LPP: variants seen among roughly 807,000 people sequenced by gnomAD.
The protein encoded by LPP is LIM domain containing preferred translocation partner in lipoma, also known as lipoma-preferred partner.
Under a neutral mutation model 60.4 loss-of-function variants are expected in LPP, and 38 were observed. That is an observed-to-expected ratio of 0.63 (90% CI 0.49 to 0.83). The LOEUF is 0.83. Ranked by LOEUF, LPP falls within the 40% of genes least tolerant of loss-of-function variation. LPP has a pLI of 0.00. For missense variants in LPP, 902 were observed against 783.6 expected (o/e 1.15, Z -1.80); for synonymous variants, 328 against 290.8 (o/e 1.13, Z -1.30).
intron 4 of LPP, among the ~76,000 whole-genome samples, chr3:188,435,619 G>A (rs987202362): frequency 2.0e-5 from 3 of 151,766 alleles, no homozygotes; most frequent in African/African-American, 7.3e-5. Context: ...CTTAATGCAG[G>A]CTTTATTTAG....
chr3:188,455,312 C>T (rs1447394541), intron 4 of LPP, among the ~76,000 whole-genome samples: 1 of 152,166 alleles, frequency 6.6e-6, no homozygotes. Context: ...TGACCAGATT[C>T]ACTGCCTTCT....
intron 3 of LPP, among the ~76,000 whole-genome samples, chr3:188,398,430 A>G (rs767573665): frequency 6.6e-6 from 1 of 152,182 alleles, no homozygotes. Context: ...CAGATAGCCT[A>G]TATAAAGGTT....
chr3:188,647,228 G>C (rs566852744), intron 7 of LPP, among the ~76,000 whole-genome samples: 1 of 152,330 alleles, frequency 6.6e-6, no homozygotes, highest in Non-Finnish European at 1.5e-5. Context: ...CCCTGTGCAG[G>C]ACTCTGCTGA....
chr3:188,780,745 A>T (rs971412731), intron 9 of LPP, among the ~76,000 whole-genome samples: 16 of 152,058 alleles, frequency 1.1e-4, no homozygotes, highest in African/African-American at 3.1e-4. Context: ...TCTCATTCTC[A>T]TTACATTGTT....
intron 6 of LPP, among the ~76,000 whole-genome samples, chr3:188,606,812 G>A (rs1023863488): frequency 2.6e-5 from 4 of 152,040 alleles, no homozygotes; most frequent in African/African-American, 9.7e-5. Context: ...GATGGGCATT[G>A]AATGAAAGAG....
rs1342207321 is a variant in LPP at position 188,495,082 on chromosome 3, A to ATATATATATATATAT, written c.306+10379_306+10380insATATATATATATATT. Among the ~76,000 whole-genome samples the ATATATATATATATAT allele has an allele frequency of 5.6e-4, 54 of 97,230 alleles. 2 individuals carry two copies. The highest frequency in any genetic ancestry group is 1.6e-3 in the African/African-American group (41 of 25,074). 63.8% of individuals were successfully genotyped at this position (97,230 alleles called of 152,430 possible). A position where few individuals can be genotyped will look rare whatever the true frequency, so the allele number is the denominator to read the frequency against. On this transcript the variant is annotated intron_variant, in intron 5 of 11. Transcript: ENST00000617246. ...CAGGATTTTATATATATATATATAT[A>ATATATATATATATAT]TTTTATTTATATTTTATTATATATT...
intron 8 of LPP, among the ~76,000 whole-genome samples, chr3:188,727,434 G>A (rs1718839619): frequency 6.6e-6 from 1 of 152,106 alleles, no homozygotes; most frequent in African/African-American, 2.4e-5. Context: ...TTTTAGTTAA[G>A]ATGATTTCCA....
intron 7 of LPP, among the ~76,000 whole-genome samples, chr3:188,630,468 A>G (rs942356756): frequency 8.5e-5 from 13 of 152,116 alleles, no homozygotes; most frequent in African/African-American, 3.1e-4. Flanking sequence ...AAATTAATAG[A>G]TGTTGGCAAG....
At chr3:188,626,903 A>G (rs1361322431) in intron 7 of LPP, among the ~76,000 whole-genome samples, 1 of 151,426 alleles carries the variant, frequency 6.6e-6, no homozygotes, top group African/African-American at 2.5e-5. Context: ...AATAAAAGCT[A>G]TGAAATACCT....
In LPP at chr3:188,422,699, G is replaced by C. The variant is rs143885478; in HGVS notation, c.193+16386G>C. Among the ~76,000 whole-genome samples the C allele has an allele frequency of 6.0e-4, 91 of 152,236 alleles. 3 individuals are homozygous for C. In the East Asian group the frequency reaches 0.016, roughly 26 times the overall value. Reference sequence around the variant, plus strand: ...CCCATGCAGAGCTACATAGTGTAACGATCTCTGGAATCTCAAATGAATGTG... The same window carrying C: ...CCCATGCAGAGCTACATAGTGTAACCATCTCTGGAATCTCAAATGAATGTG... On this transcript the variant is annotated intron_variant, in intron 4 of 11. Coordinates refer to ENST00000617246, the MANE Select transcript of LPP (RefSeq NM_001375462.1).
chr3:188,869,779 C>A (rs971280914), intron 10 of LPP, among the ~76,000 whole-genome samples: 2 of 152,194 alleles, frequency 1.3e-5, no homozygotes, highest in Non-Finnish European at 2.9e-5. Flanking sequence ...TTTTTGAGAA[C>A]TTGTTAATGG....
In LPP at chr3:188,639,091, C is replaced by T. The variant is rs1003896368; in HGVS notation, c.1113+29247C>T. Among the ~76,000 whole-genome samples, 139 of 152,060 alleles carry T rather than the reference C, an allele frequency of 9.1e-4. 1 individual carries two copies. Among genetic ancestry groups the T allele is most frequent in the African/African-American group, 3.0e-3 (124 of 41,518 alleles). On this transcript the variant is annotated intron_variant, in intron 7 of 11. Coordinates refer to ENST00000617246, the MANE Select transcript of LPP (RefSeq NM_001375462.1). Reference sequence around the variant, plus strand: ...TAAGCCAAAAGAACAAAGCTGGAGGCATCACGCTACCTGACTTCAAACTAT... The same window carrying T: ...TAAGCCAAAAGAACAAAGCTGGAGGTATCACGCTACCTGACTTCAAACTAT...
At chr3:188,701,379 GA>G (rs555106525) in intron 7 of LPP, among the ~76,000 whole-genome samples, 171 of 141,262 alleles carry the variant, frequency 1.2e-3, no homozygotes, top group African/African-American at 2.3e-3. Flanking sequence ...ATTTTCAGCT[GA>G]AAAAAAAAAA....
intron 5 of LPP, among the ~76,000 whole-genome samples, chr3:188,504,397 G>A (rs764969196): frequency 8.6e-5 from 13 of 151,984 alleles, no homozygotes; most frequent in South Asian, 2.1e-4. Context: ...TAAAGTCTTC[G>A]TCAGGTAGAT....
At position 188,380,538 on chromosome 3, in the gene LPP, C is replaced by T. The variant is rs143926533; in HGVS notation, c.-9-25574C>T. On this transcript the variant is annotated intron_variant, in intron 3 of 11. Transcript: ENST00000617246. ...AATCAAATGGAAGACAAAGCTATCC[C>T]GAGGGTAGTTGGCCTGTGTTTGCAT... 5.4e-3 allele frequency among the ~76,000 whole-genome samples: 815 copies of T among 152,280 alleles called. 10 individuals are homozygous for T. The highest frequency in any genetic ancestry group is 0.019 in the African/African-American group (774 of 41,560).
At chr3:188,197,459 G>A (rs920008929) in intron 1 of LPP, among the ~76,000 whole-genome samples, 1 of 152,162 alleles carries the variant, frequency 6.6e-6, no homozygotes, top group South Asian at 2.1e-4. Flanking sequence ...CAGGCACTCC[G>A]ATCCTTGCTT....
At chr3:188,781,607 G>T (rs1184528877) in intron 9 of LPP, among the ~76,000 whole-genome samples, 1 of 151,654 alleles carries the variant, frequency 6.6e-6, no homozygotes, top group Non-Finnish European at 1.5e-5. Context: ...CCCCTGCCTC[G>T]GTGCGGTCGC....
At chr3:188,512,187 C>T (rs1815892661) in intron 5 of LPP, among the ~76,000 whole-genome samples, 1 of 152,128 alleles carries the variant, frequency 6.6e-6, no homozygotes, top group Admixed American at 6.6e-5. Context: ...GATTCTCTTG[C>T]AGTTGTTCAA....
intron 1 of LPP, among the ~76,000 whole-genome samples, chr3:188,197,341 A>T (rs543546061): frequency 1.7e-4 from 26 of 152,220 alleles, no homozygotes; most frequent in South Asian, 6.2e-4. Flanking sequence ...TAGAATAAGG[A>T]TGGTAATCTC....
Sources: allele counts gnomAD v4.1 joint callset (sites outside exome capture counted in the v4.1 genomes callset), GRCh38; gene constraint gnomAD v4.1.1; transcripts MANE v1.5; gene names NCBI Gene and HGNC (gene_info 2026-07-23, HGNC 2026-07-21).